Variants in VDR observed in about 807,000 individuals in gnomAD.
VDR encodes vitamin D receptor.
A neutral mutation model predicts 39.7 loss-of-function variants in VDR; 19 were observed. The ratio of observed to expected loss-of-function variants is 0.48; its 90% CI spans 0.33 to 0.70. The LOEUF is 0.70. Ranked by LOEUF, VDR falls within the 30% of genes least tolerant of loss-of-function variation. The pLI, the probability that VDR is intolerant of heterozygous loss-of-function variation, is 0.02. For missense variants in VDR, 442 were observed against 570.5 expected (o/e 0.77, Z 2.29); for synonymous variants, 242 against 215.8 (o/e 1.12, Z -1.07).
At chr12:47,871,666 T>C (rs534366294) in intron 3 of VDR, among the ~76,000 whole-genome samples, 3 of 152,136 alleles carry the variant, frequency 2.0e-5, no homozygotes, top group Non-Finnish European at 4.4e-5. Context: ...GGTTTCACCA[T>C]GTTGGCCAGA....
rs552257294 is a variant in VDR at position 47,842,697 on chromosome 12, C to A, written c.*2049G>T. The A allele has an allele frequency of 6.8e-6, 1 of 147,654 alleles. No individual in the cohort carries two copies. Among genetic ancestry groups the A allele is most frequent in the East Asian group, 2.0e-4 (1 of 4,910 alleles). 9.1% of individuals were successfully genotyped at this position (147,654 alleles called of 1,614,324 possible). A position where few individuals can be genotyped will look rare whatever the true frequency, so the allele number is the denominator to read the frequency against. Reference sequence around the variant, plus strand: ...ATGTTGGTCAGGTTGGTCTCGAACTCCCGACCTCAGGTGATCCACCTACCT... The same window carrying A: ...ATGTTGGTCAGGTTGGTCTCGAACTACCGACCTCAGGTGATCCACCTACCT... On this transcript the variant is annotated 3_prime_UTR_variant, in exon 10 of 10. Coordinates refer to ENST00000549336, the MANE Select transcript of VDR (RefSeq NM_000376.3).
In VDR at chr12:47,845,007, T is replaced by C; in HGVS notation, c.1025-2A>G. 6.2e-7 allele frequency: 1 copy of C among 1,611,762 alleles called. No homozygotes were observed. The highest frequency in any genetic ancestry group is 8.5e-7 in the Non-Finnish European group (1 of 1,179,910). ...CGGCGTCCTGCACCCCAGGACGATCTGTGGGCACGGGGATAGAGAAGAAGG... is the reference window on the plus strand; with the variant it reads ...CGGCGTCCTGCACCCCAGGACGATCCGTGGGCACGGGGATAGAGAAGAAGG... On this transcript the variant is annotated splice_acceptor_variant, in intron 9 of 9. Coordinates refer to ENST00000549336, the MANE Select transcript of VDR (RefSeq NM_000376.3). LOFTEE classifies it high-confidence loss of function.
chr12:47,884,083 G>A (rs1481713840), intron 1 of VDR, among the ~76,000 whole-genome samples: 1 of 152,130 alleles, frequency 6.6e-6, no homozygotes, highest in Non-Finnish European at 1.5e-5. Context: ...CGCTCTGCAG[G>A]GTTCCTCCTC....
chr12:47,902,561 C>A lies in VDR; in HGVS notation c.-84+2394G>T, dbSNP rs114376049. Among the ~76,000 whole-genome samples the A allele has an allele frequency of 6.1e-3, 934 of 152,322 alleles. 10 individuals are homozygous for A. Among genetic ancestry groups the A allele is most frequent in the African/African-American group, 0.021 (872 of 41,554 alleles). On this transcript the variant is annotated intron_variant, in intron 1 of 9. Coordinates refer to ENST00000549336, the MANE Select transcript of VDR (RefSeq NM_000376.3). ...CTGGTCAATTCCTTATTTCCCTCTA[C>A]CTGCATCCAAAACAGAATTGCAGCA...
chr12:47,882,786 A>G lies in VDR; in HGVS notation c.-83-12T>C. 9.1e-6 allele frequency: 14 copies of G among 1,534,276 alleles called. No individual in the cohort carries two copies. Among genetic ancestry groups the G allele is most frequent in the Non-Finnish European group, 1.2e-5 (14 of 1,145,656 alleles). ...AGACCCAAAGGCTTCTGAAATGAAG[A>G]AGGGGAAACCTTTTATCTAAGGCGG... On this transcript the variant is annotated splice_polypyrimidine_tract_variant and intron_variant, in intron 1 of 9. Coordinates refer to ENST00000549336, the MANE Select transcript of VDR (RefSeq NM_000376.3).
chr12:47,872,384 G>C (rs3782905), intron 3 of VDR, among the ~76,000 whole-genome samples: 43,505 of 152,166 alleles, frequency 0.29, 6,453 homozygotes, highest in Non-Finnish European at 0.32. Flanking sequence ...GGAGTGCTGA[G>C]AGTGGGTGAA....
intron 3 of VDR, among the ~76,000 whole-genome samples, chr12:47,878,317 A>G (rs11574053): frequency 0.015 from 2,327 of 152,120 alleles, 70 homozygotes; most frequent in African/African-American, 0.052. Flanking sequence ...TTGAATGGGA[A>G]CCTCCAGTGC....
At chr12:47,855,597 C>A (rs1415022946) in intron 7 of VDR, 33 bp downstream of exon 7, 1 of 1,613,444 alleles carries the variant, frequency 6.2e-7, no homozygotes, top group Admixed American at 1.7e-5. Flanking sequence ...AGGACTCTGA[C>A]TCTGTTCCCC....
intron 8 of VDR, 61 bp downstream of exon 8, chr12:47,846,596 C>A (rs753627579): frequency 6.2e-7 from 1 of 1,608,210 alleles, no homozygotes; most frequent in East Asian, 2.2e-5. Flanking sequence ...AACCCCAGGA[C>A]GGGTGGAGCC....
In VDR at chr12:47,846,241, C is replaced by G. The variant is rs879427027; in HGVS notation, c.1024+94G>C. The G allele has an allele frequency of 4.8e-6, 5 of 1,038,622 alleles. No individual in the cohort carries two copies. In the African/African-American group the frequency reaches 6.3e-5, roughly 13 times the overall value. 64.3% of individuals were successfully genotyped at this position (1,038,622 alleles called of 1,614,324 possible). The stretch of plus-strand genomic sequence containing the variant: ...ATCTGTGTCTCCTTTTGCTACGTCT[C>G]CCTTCAGGTTGCCCAGCTGGCCCTC... On this transcript the variant is annotated intron_variant, in intron 9 of 9. Transcript: ENST00000549336.
chr12:47,885,470 T>C (rs180925698), intron 1 of VDR, among the ~76,000 whole-genome samples: 359 of 152,346 alleles, frequency 2.4e-3, no homozygotes, highest in Non-Finnish European at 3.2e-3. Context: ...CCTACGGCAG[T>C]CTTGCAGGGT....
At chr12:47,895,176 G>A (rs776151925) in intron 1 of VDR, among the ~76,000 whole-genome samples, 10 of 152,174 alleles carry the variant, frequency 6.6e-5, no homozygotes, top group Non-Finnish European at 1.2e-4. Flanking sequence ...AGAGGAGGAG[G>A]AATAAATTCA....
intron 1 of VDR, among the ~76,000 whole-genome samples, chr12:47,887,832 G>A (rs540222903): frequency 2.0e-5 from 3 of 152,338 alleles, no homozygotes; most frequent in Admixed American, 6.5e-5. Context: ...CTGACTGAAC[G>A]ATGGGAAATT....
At chr12:47,864,549 T>C (rs917177310) in intron 4 of VDR, among the ~76,000 whole-genome samples, 4 of 152,202 alleles carry the variant, frequency 2.6e-5, no homozygotes, top group Admixed American at 6.5e-5. Context: ...GGACAGAACG[T>C]GGATGCCAAC....
At chr12:47,895,017 AG>A (rs1946440038) in intron 1 of VDR, among the ~76,000 whole-genome samples, 1 of 152,262 alleles carries the variant, frequency 6.6e-6, no homozygotes, top group South Asian at 2.1e-4. Flanking sequence ...GACTTTACCA[AG>A]CCTCCAAAAG....
chr12:47,889,351 G>C (rs1229101035), intron 1 of VDR, among the ~76,000 whole-genome samples: 1 of 152,112 alleles, frequency 6.6e-6, no homozygotes, highest in Non-Finnish European at 1.5e-5. Flanking sequence ...TCCCTTTGGG[G>C]CTGAGAGTTC....
intron 3 of VDR, among the ~76,000 whole-genome samples, chr12:47,874,294 T>G (rs1945954804): frequency 6.6e-6 from 1 of 152,252 alleles, no homozygotes; most frequent in Non-Finnish European, 1.5e-5. Context: ...GTCACTCATT[T>G]ACTTGTGCCC....
intron 4 of VDR, among the ~76,000 whole-genome samples, chr12:47,863,974 C>G (rs11574071): frequency 1.6e-4 from 24 of 152,174 alleles, no homozygotes; most frequent in Non-Finnish European, 2.2e-4. Flanking sequence ...GTTACCTGAC[C>G]TCTCCCCATC....
intron 2 of VDR, 66 bp downstream of exon 2, chr12:47,882,628 T>TAG: frequency 1.1e-5 from 2 of 187,188 alleles, no homozygotes; most frequent in Non-Finnish European, 2.0e-5. Context: ...CTTATGCCCC[T>TAG]CCCCCCCACC....
Sources: gnomAD v4.1 joint callset for allele counts (sites outside exome capture counted in the v4.1 genomes callset) on GRCh38, gnomAD v4.1.1 for gene constraint, MANE v1.5 for transcripts, NCBI Gene and HGNC (gene_info 2026-07-23, HGNC 2026-07-21) for gene names.